Variants in ZNF483 observed in about 807,000 individuals in gnomAD.
ZNF483 encodes the protein zinc finger protein HIT-10.
Under a neutral mutation model 28.6 loss-of-function variants are expected in ZNF483, and 9 were observed. The ratio of observed to expected loss-of-function variants is 0.32; its 90% confidence interval spans 0.19 to 0.55. ZNF483 has a LOEUF of 0.55. ZNF483 is among the 20% of genes least tolerant of loss of function. The probability of loss-of-function intolerance (pLI) is 0.93; values close to 1 mark genes in which losing one functional copy is unlikely to be tolerated. For synonymous variants in ZNF483, 322 were observed against 306.2 expected, an observed-to-expected ratio of 1.05 and a Z score of -0.54; for missense variants, 675 against 871.7, an observed-to-expected ratio of 0.77 and a Z score of 2.84.
rs1230567652 is a variant in ZNF483, at chr9:111,544,432, T to TA, written c.*1270dup. ...TTCATACTAAAAACAAAGCTTGTCTTAAAAAAAATTATAAGGGCTAACAAC... is the reference window on the plus strand; with the variant it reads ...TTCATACTAAAAACAAAGCTTGTCTTAAAAAAAAATTATAAGGGCTAACAAC... On this transcript the variant is annotated 3_prime_UTR_variant, in exon 6 of 6. Coordinates refer to ENST00000309235, the MANE Select transcript of ZNF483 (RefSeq NM_133464.5). The TA allele has an allele frequency of 2.4e-5, 22 of 917,134 alleles. No individual in the cohort carries two copies. Among genetic ancestry groups the TA allele is most frequent in the East Asian group, 2.3e-4 (2 of 8,556 alleles). The allele number at this position is 917,134 out of a possible 1,614,324, so 56.8% of individuals were successfully genotyped here. A position where few individuals can be genotyped will look rare whatever the true frequency, so the allele number is the denominator to read the frequency against.
chr9:111,577,327 T>C (rs1204044884), exon 6 of ZNF483: 2 of 152,318 alleles, frequency 1.3e-5, no homozygotes, highest in South Asian at 2.1e-4. Context: ...TTGGTGAGTA[T>C]GTAGAGAAGT....
chr9:111,561,709 A>AC (rs1828328475), intron 5 of ZNF483, among the ~76,000 whole-genome samples: 1 of 152,166 alleles, frequency 6.6e-6, no homozygotes, highest in Non-Finnish European at 1.5e-5. Context: ...TCTGTAGAGG[A>AC]CCAGTATGGA....
Position 111,546,835 on chromosome 9 carries a change from C to T in ZNF483, c.*3665C>T, listed in dbSNP as rs1316536683. On this transcript the variant is annotated 3_prime_UTR_variant, in exon 6 of 6. Transcript: ENST00000309235. The stretch of plus-strand genomic sequence containing the variant: ...AAACTCTGTACTCCTTAAACAGTAA[C>T]TCCCCATTTTCTCCTCCTCAGGCTC... Among the ~76,000 whole-genome samples the T allele has an allele frequency of 2.0e-5, 3 of 152,082 alleles. No individual in the cohort carries two copies. The highest frequency in any genetic ancestry group is 7.2e-5 in the African/African-American group (3 of 41,420).
chr9:111,542,607 A>C lies in ZNF483; in HGVS notation c.1672A>C (p.Lys558Gln). Residue 558 changes from lysine (K) to glutamine (Q), a missense_variant, in exon 6 of 6, where the codon AAA becomes CAA. Around this residue, in one of 6 missense-constraint regions of ZNF483, gnomAD observed 41 missense variants for 69.0 expected, o/e 0.59. Coordinates refer to ENST00000309235, the MANE Select transcript of ZNF483 (RefSeq NM_133464.5). This position sits in a 1 kb window ranked among gnomAD's most constrained non-coding sequence, Gnocchi z 6.2. Reference protein sequence around the residue: ...EKPYTCSNCGKSFSHSSSLSK... With the variant: ...EKPYTCSNCGQSFSHSSSLSK... ...ACCCTATACATGTAGCAATTGTGGA[A>C]AATCCTTCAGTCATAGCTCATCCCT... 7.4e-6 allele frequency: 12 copies of C among 1,614,092 alleles called. No homozygotes were observed. Among genetic ancestry groups the C allele is most frequent in the Non-Finnish European group, 1.0e-5 (12 of 1,180,004 alleles).
chr9:111,526,002 C>G (rs1473180981), intron 1 of ZNF483, among the ~76,000 whole-genome samples: 3 of 152,116 alleles, frequency 2.0e-5, no homozygotes, highest in Non-Finnish European at 4.4e-5. Context: ...TCAGGCCTGT[C>G]CACGCCTGGC....
Position 111,541,878 on chromosome 9 carries a change from T to A in ZNF483, c.943T>A (p.Ser315Thr). The A allele has an allele frequency of 6.2e-7, 1 of 1,613,802 alleles. No individual in the cohort carries two copies. The highest frequency in any genetic ancestry group is 8.5e-7 in the Non-Finnish European group (1 of 1,179,942). ...SPFGHNFKET[S>T]DLIKHLRVYL... ...CTTTGGACATAATTTCAAAGAAACT[T>A]CAGACTTAATTAAACATCTGAGAGT... Residue 315 changes from serine to threonine, a missense_variant, in exon 6 of 6, where the codon TCA (serine) becomes ACA (threonine). By Grantham distance (58) the Ser-to-Thr change is moderately conservative. This residue lies in a region of ZNF483 where 525 missense variants were observed against 581.8 expected (regional missense o/e 0.90). Transcript: ENST00000309235.
At position 111,547,247 on chromosome 9, in the gene ZNF483, A is replaced by G. The variant is rs1827828933; in HGVS notation, c.*4077A>G. Reference sequence around the variant, plus strand: ...CTTCTTGAGGAAGTGCAACTACACTATTTTAAATTCCCACCAGCTATGTAC... The same window carrying G: ...CTTCTTGAGGAAGTGCAACTACACTGTTTTAAATTCCCACCAGCTATGTAC... On this transcript the variant is annotated 3_prime_UTR_variant, in exon 6 of 6. Coordinates refer to ENST00000309235, the MANE Select transcript of ZNF483 (RefSeq NM_133464.5). Among the ~76,000 whole-genome samples the G allele has an allele frequency of 6.6e-6, 1 of 152,166 alleles. No individual in the cohort carries two copies. Among genetic ancestry groups the G allele is most frequent in the Non-Finnish European group, 1.5e-5 (1 of 67,992 alleles).
rs1589278469 is a variant in ZNF483, at chr9:111,546,681, T to C, written c.*3511T>C. Among the ~76,000 whole-genome samples the C allele has an allele frequency of 6.6e-6, 1 of 152,220 alleles. No homozygotes were observed. The highest frequency in any genetic ancestry group is 1.9e-4 in the East Asian group (1 of 5,198). The stretch of plus-strand genomic sequence containing the variant: ...AGAATTATTTTTTAATGTAGTAAGA[T>C]ACATATAGCTTAAAATGAACCATTT... On this transcript the variant is annotated 3_prime_UTR_variant, in exon 6 of 6. Coordinates refer to ENST00000309235, the MANE Select transcript of ZNF483 (RefSeq NM_133464.5).
intron 1 of ZNF483, among the ~76,000 whole-genome samples, chr9:111,525,591 T>C (rs1827166763): frequency 6.6e-6 from 1 of 152,150 alleles, no homozygotes; most frequent in African/African-American, 2.4e-5. Context: ...CAGTACCACC[T>C]CTCGTCCTAG....
chr9:111,533,564 C>T (rs1011244092), intron 3 of ZNF483, among the ~76,000 whole-genome samples, 175 bp from the exon 4 acceptor site: 2 of 151,934 alleles, frequency 1.3e-5, no homozygotes, highest in Non-Finnish European at 2.9e-5. Flanking sequence ...GCCTGCAGTC[C>T]CAGCTACTGG....
intron 5 of ZNF483, among the ~76,000 whole-genome samples, chr9:111,567,704 C>G (rs758330020): frequency 6.6e-6 from 1 of 152,110 alleles, no homozygotes; most frequent in Non-Finnish European, 1.5e-5. Context: ...ATCATAAGAA[C>G]GGCAGGATTT....
rs1479021244 is a variant in ZNF483 at position 111,544,316 on chromosome 9, G to C, written c.*1146G>C. On this transcript the variant is annotated 3_prime_UTR_variant, in exon 6 of 6. Transcript: ENST00000309235. Reference sequence around the variant, plus strand: ...ACATTCTGTGTGGCAACAGTTAAAAGCTGTTATAACAATTTGCTTGGGTGT... The same window carrying C: ...ACATTCTGTGTGGCAACAGTTAAAACCTGTTATAACAATTTGCTTGGGTGT... 3.0e-6 allele frequency: 3 copies of C among 984,796 alleles called. No individual in the cohort carries two copies. The African/African-American group carries it at 5.3e-5, about 17-fold the overall frequency. 61.0% of individuals were successfully genotyped at this position (984,796 alleles called of 1,614,324 possible). A position where few individuals can be genotyped will look rare whatever the true frequency, so the allele number is the denominator to read the frequency against.
intron 5 of ZNF483, among the ~76,000 whole-genome samples, chr9:111,576,042 C>T (rs932135871): frequency 1.3e-5 from 2 of 151,844 alleles, no homozygotes; most frequent in African/African-American, 2.4e-5. Context: ...TGTCTGTGGT[C>T]CCAGCTACTT....
Position 111,542,205 on chromosome 9 carries a change from G to T in ZNF483, c.1270G>T (p.Ala424Ser). The part of the protein sequence containing the change: ...EKCRKDSCQE[A>S]ALNKDEGNES... The stretch of plus-strand genomic sequence containing the variant: ...ATGTCGGAAAGATTCATGTCAAGAA[G>T]CAGCCTTAAATAAAGATGAGGGAAA... The change falls in exon 6 of 6, where the codon GCA (alanine) becomes TCA (serine). Residue 424 changes from alanine (A) to serine (S), a missense_variant. Around this residue, in one of 6 missense-constraint regions of ZNF483, gnomAD observed 525 missense variants for 581.8 expected, o/e 0.90. Coordinates refer to ENST00000309235, the MANE Select transcript of ZNF483 (RefSeq NM_133464.5). This position sits in a 1 kb window ranked among gnomAD's most constrained non-coding sequence, Gnocchi z 6.2. 6.2e-7 allele frequency: 1 copy of T among 1,614,054 alleles called. No individual in the cohort carries two copies. Among genetic ancestry groups the T allele is most frequent in the Non-Finnish European group, 8.5e-7 (1 of 1,180,020 alleles).
At chr9:111,531,441 ATC>A (rs1827344591) in intron 3 of ZNF483, among the ~76,000 whole-genome samples, 1 of 151,914 alleles carries the variant, frequency 6.6e-6, no homozygotes, top group East Asian at 1.9e-4. Flanking sequence ...CGGTGGCGGT[ATC>A]TCGGCTCACT....
intron 5 of ZNF483, among the ~76,000 whole-genome samples, chr9:111,561,094 T>TAC (rs1828286011): frequency 3.1e-5 from 1 of 31,832 alleles, no homozygotes; most frequent in Non-Finnish European, 5.6e-5. Flanking sequence ...AATATATATA[T>TAC]ATATATATAT....
At position 111,574,782 on chromosome 9, in the gene ZNF483, T is replaced by C. The variant is rs141651182; in HGVS notation, c.722-1583T>C. 21 of 1,613,938 alleles carry C rather than the reference T, an allele frequency of 1.3e-5. No homozygotes were observed. The African/African-American group carries it at 1.6e-4, about 12-fold the overall frequency. On this transcript the variant is annotated intron_variant, in intron 5 of 5. Coordinates refer to the ZNF483 transcript ENST00000358151. ...TTATATGTAGAGATGGCTCCACATATGGCAATCCTTCCAAATTTCTTCATC... is the reference window on the plus strand; with the variant it reads ...TTATATGTAGAGATGGCTCCACATACGGCAATCCTTCCAAATTTCTTCATC...
intron 5 of ZNF483, chr9:111,574,934 G>C: frequency 1.0e-6 from 1 of 970,322 alleles, no homozygotes; most frequent in Non-Finnish European, 1.6e-6. Flanking sequence ...TACAATACCT[G>C]TTTTAGCAGC....
chr9:111,528,779 C>G (rs1185423485), intron 2 of ZNF483, among the ~76,000 whole-genome samples: 1 of 152,154 alleles, frequency 6.6e-6, no homozygotes, highest in Non-Finnish European at 1.5e-5. Flanking sequence ...TTTCCTGACT[C>G]CTCTGTGATT....
Sources: gnomAD v4.1 joint callset for allele counts (sites outside exome capture counted in the v4.1 genomes callset) on GRCh38, gnomAD v4.1.1 for gene constraint, gnomAD v4.1.1 regional missense constraint, Gnocchi (gnomAD v3.1) non-coding constraint, MANE v1.5 for transcripts, NCBI Gene and HGNC (gene_info 2026-07-23, HGNC 2026-07-21) for gene names.